The following CPS1 variants were observed in gnomAD, a reference collection of about 807,000 sequenced individuals.
The protein encoded by CPS1 is carbamoyl-phosphate synthase [ammonia], mitochondrial.
CPS1 carries 109 observed loss-of-function variants against 174.6 expected under a neutral mutation model. The ratio of observed to expected loss-of-function variants is 0.62; its 90% CI spans 0.53 to 0.73. The LOEUF (loss-of-function observed/expected upper bound fraction) is 0.73, where lower values mean the gene tolerates loss of function less well. Ranked by LOEUF, CPS1 falls within the 30% of genes least tolerant of loss-of-function variation. The pLI is 0.00. For missense variants in CPS1, 1,689 were observed against 1,821.9 expected (o/e 0.93, Z 1.33); for synonymous variants, 637 against 632.0 (o/e 1.01, Z -0.12).
intron 19 of CPS1, among the ~76,000 whole-genome samples, chr2:210,610,837 C>T (rs775741732): frequency 1.9e-4 from 28 of 150,288 alleles, no homozygotes; most frequent in South Asian, 1.3e-3. Flanking sequence ...TTGTTATACA[C>T]GTTTTTTTTT....
chr2:210,582,481 G>T lies in CPS1; in HGVS notation c.529-136G>T, dbSNP rs182154511. ...AATCTTTTCAGTTTGAGAAGATGAA[G>T]ATCTTCCATGATGGTTACGAGTAGT... On this transcript the variant is annotated intron_variant, in intron 5 of 37. Coordinates refer to ENST00000233072, the MANE Select transcript of CPS1 (RefSeq NM_001875.5). 87 of 711,632 alleles carry T rather than the reference G, an allele frequency of 1.2e-4. No individual in the cohort carries two copies. In the African/African-American group the frequency reaches 1.3e-3, roughly 11 times the overall value. 44.1% of individuals were successfully genotyped at this position (711,632 alleles called of 1,614,324 possible).
At chr2:210,539,724 A>C (rs1696350761) in intron 1 of CPS1, among the ~76,000 whole-genome samples, 1 of 152,144 alleles carries the variant, frequency 6.6e-6, no homozygotes, top group Admixed American at 6.5e-5. Flanking sequence ...TGCTGTTGAC[A>C]TCTGCTCTTT....
intron 1 of CPS1, among the ~76,000 whole-genome samples, chr2:210,509,869 A>G (rs1695401639): frequency 6.6e-6 from 1 of 152,168 alleles, no homozygotes; most frequent in South Asian, 2.1e-4. Context: ...CTCAATGAAA[A>G]TAAAAGAGGA....
At chr2:210,578,189 A>G (rs1278256165) in intron 4 of CPS1, among the ~76,000 whole-genome samples, 6 of 151,866 alleles carry the variant, frequency 4.0e-5, no homozygotes, top group Non-Finnish European at 5.9e-5. Flanking sequence ...GCTCACTGCA[A>G]CCTCCACCTC....
intron 1 of CPS1, among the ~76,000 whole-genome samples, chr2:210,526,258 G>A (rs189111068): frequency 5.9e-4 from 90 of 151,960 alleles, no homozygotes; most frequent in African/African-American, 2.1e-3. Context: ...GGGAGGGATA[G>A]CATTAGGAGA....
At chr2:210,542,661 T>C (rs1227217096) in intron 1 of CPS1, among the ~76,000 whole-genome samples, 1 of 152,054 alleles carries the variant, frequency 6.6e-6, no homozygotes, top group African/African-American at 2.4e-5. Context: ...TTTTTCTCTC[T>C]TTTTCAAGTA....
At chr2:210,623,105 A>G (rs1699583783) in intron 21 of CPS1, among the ~76,000 whole-genome samples, 1 of 152,092 alleles carries the variant, frequency 6.6e-6, no homozygotes, top group Non-Finnish European at 1.5e-5. Flanking sequence ...TCTACCATTT[A>G]TGATGATTGC....
chr2:210,536,645 G>C (rs1191439978), intron 1 of CPS1, among the ~76,000 whole-genome samples: 1 of 152,062 alleles, frequency 6.6e-6, no homozygotes, highest in Non-Finnish European at 1.5e-5. Context: ...TACTTCTTTA[G>C]ATATAAGCCC....
At chr2:210,607,832 C>T (rs961170621) in intron 18 of CPS1, among the ~76,000 whole-genome samples, 11 of 151,816 alleles carry the variant, frequency 7.2e-5, no homozygotes, top group African/African-American at 2.7e-4. Context: ...TAGTCAAGTT[C>T]TCAAAGTGTT....
chr2:210,616,061 A>G (rs942517449), intron 20 of CPS1, among the ~76,000 whole-genome samples: 5 of 152,060 alleles, frequency 3.3e-5, no homozygotes, highest in Non-Finnish European at 5.9e-5. Context: ...TTTCTTACCA[A>G]TTTGGCTTAA....
intron 1 of CPS1, among the ~76,000 whole-genome samples, chr2:210,571,348 A>T (rs1477477595): frequency 2.0e-5 from 3 of 151,946 alleles, no homozygotes; most frequent in Non-Finnish European, 4.4e-5. Flanking sequence ...TTGCCCAGGA[A>T]CACACGCATA....
chr2:210,516,930 T>C (rs1263120122), intron 1 of CPS1, among the ~76,000 whole-genome samples: 3 of 152,006 alleles, frequency 2.0e-5, no homozygotes, highest in Admixed American at 6.6e-5. Flanking sequence ...TCTTATTCCA[T>C]ATCAGTTATT....
chr2:210,654,185 A>G, intron 29 of CPS1, 83 bp downstream of exon 29: 2 of 1,224,750 alleles, frequency 1.6e-6, no homozygotes, highest in Non-Finnish European at 2.4e-6. Flanking sequence ...GACAGGTTAG[A>G]ATTCATAATA....
chr2:210,574,059 A>G (rs925653027), intron 2 of CPS1, among the ~76,000 whole-genome samples: 2 of 152,046 alleles, frequency 1.3e-5, no homozygotes, highest in Admixed American at 6.6e-5. Context: ...GCTTTTACCT[A>G]GTTAATAAAT....
Position 210,590,234 on chromosome 2 carries a change from G to T in CPS1, c.840G>T (p.Lys280Asn), listed in dbSNP as rs753751183. The T allele has an allele frequency of 6.2e-7, 1 of 1,612,590 alleles. No individual in the cohort carries two copies. Among genetic ancestry groups the T allele is most frequent in the Non-Finnish European group, 8.5e-7 (1 of 1,178,974 alleles). Residue 280 changes from lysine (K) to asparagine (N), a missense_variant and splice_region_variant, in exon 8 of 38, where the codon AAG becomes AAT. Coordinates refer to ENST00000233072, the MANE Select transcript of CPS1 (RefSeq NM_001875.5). ...AACCACTAATTCAGAATGTCAGAAA[G>T]GTGCAATGAACCTTGAATTCATGTG... ...LAEPLIQNVR[K>N]ILESDRKEPL...
intron 1 of CPS1, among the ~76,000 whole-genome samples, chr2:210,511,676 C>A (rs1328844803): frequency 1.3e-5 from 2 of 152,074 alleles, no homozygotes; most frequent in East Asian, 1.9e-4. Flanking sequence ...CCCGGTCAAA[C>A]CTAATGAGAC....
In CPS1 at chr2:210,677,995, C is replaced by T. The variant is rs750819780; in HGVS notation, c.*10C>T. 1.8e-5 allele frequency: 28 copies of T among 1,587,786 alleles called. 1 individual carries two copies. The South Asian group carries it at 1.8e-4, about 10-fold the overall frequency. ...TGGAAAAGCAGCATAGAGATGCAGA[C>T]ACCCCAGCCCCATTATTAAATCAAC... On this transcript the variant is annotated 3_prime_UTR_variant, in exon 38 of 38. Transcript: ENST00000233072.
chr2:210,638,449 G>T (rs1475339999), intron 22 of CPS1, among the ~76,000 whole-genome samples: 1 of 152,084 alleles, frequency 6.6e-6, no homozygotes, highest in Non-Finnish European at 1.5e-5. Context: ...ACCACCAGCT[G>T]GTTTTTGTCC....
chr2:210,488,873 A>G (rs1214285452), intron 1 of CPS1, among the ~76,000 whole-genome samples: 1 of 152,118 alleles, frequency 6.6e-6, no homozygotes, highest in East Asian at 1.9e-4. Context: ...TTATATTATA[A>G]AGTAAAAAAA....
Sources: allele counts gnomAD v4.1 joint callset (sites outside exome capture counted in the v4.1 genomes callset), GRCh38; gene constraint gnomAD v4.1.1; transcripts MANE v1.5; gene names NCBI Gene and HGNC (gene_info 2026-07-23, HGNC 2026-07-21).